CALN1: variants seen among roughly 807,000 people sequenced by gnomAD.
CALN1 encodes calcium-binding protein 8.
In CALN1, 17 loss-of-function variants were observed where a neutral mutation model predicts 30.6. The ratio of observed to expected loss-of-function variants is 0.56; its 90% CI spans 0.38 to 0.83. The LOEUF (loss-of-function observed/expected upper bound fraction) is 0.83. Among genes scored for constraint, CALN1 ranks in the 40% least tolerant of loss-of-function variants. CALN1 has a pLI of 0.00. For synonymous variants in CALN1, 156 were observed against 131.4 expected (o/e 1.19, Z -1.28); for missense variants, 291 against 354.9 (o/e 0.82, Z 1.45).
intron 5 of CALN1, among the ~76,000 whole-genome samples, chr7:71,871,387 ACCAGCCCT>A (rs1478605904): frequency 6.6e-6 from 1 of 151,726 alleles, no homozygotes; most frequent in African/African-American, 2.4e-5. Flanking sequence ...ACTGGACACA[ACCAGCCCT>A]CCACCTACTC....
chr7:72,085,941 A>G (rs844726), intron 4 of CALN1, among the ~76,000 whole-genome samples: 1,528 of 152,314 alleles, frequency 0.01, 23 homozygotes, highest in African/African-American at 0.035. Context: ...TAATCAAGAC[A>G]GTGATATAAT....
chr7:72,503,124 C>T, the CALN1 span, among the ~76,000 whole-genome samples: 5 of 151,426 alleles, frequency 3.3e-5, no homozygotes, highest in African/African-American at 4.9e-5. Flanking sequence ...CCAGCCTGGG[C>T]GACAGAGTGA....
intron 5 of CALN1, among the ~76,000 whole-genome samples, chr7:71,882,856 G>GTGTGTGTGTC (rs1316535549): frequency 2.1e-5 from 3 of 140,512 alleles, no homozygotes; most frequent in African/African-American, 8.9e-5. Flanking sequence ...TAATTTGTGT[G>GTGTGTGTGTC]TGTGTGTGTG....
chr7:71,951,500 A>C (rs529728282), intron 5 of CALN1, among the ~76,000 whole-genome samples: 1 of 152,328 alleles, frequency 6.6e-6, no homozygotes, highest in African/African-American at 2.4e-5. Flanking sequence ...CTGAGGCAAG[A>C]GAATCGCTTG....
At chr7:72,339,241 A>G (rs1702980183) in intron 2 of CALN1, among the ~76,000 whole-genome samples, 1 of 152,156 alleles carries the variant, frequency 6.6e-6, no homozygotes, top group African/African-American at 2.4e-5. Flanking sequence ...GGTTGCTTCC[A>G]AATCTTAACT....
intron 5 of CALN1, among the ~76,000 whole-genome samples, chr7:71,871,289 A>T (rs1006241544): frequency 8.5e-5 from 13 of 152,196 alleles, no homozygotes; most frequent in African/African-American, 3.1e-4. Flanking sequence ...TTTTGCTAAC[A>T]CTGGCTGACC....
intron 5 of CALN1, among the ~76,000 whole-genome samples, chr7:71,978,368 T>C (rs1584662973): frequency 6.8e-6 from 1 of 146,712 alleles, no homozygotes. Flanking sequence ...GCCTCCTGGG[T>C]TCACGCCATT....
chr7:72,165,362 C>A (rs1788447371), intron 3 of CALN1, among the ~76,000 whole-genome samples: 1 of 152,036 alleles, frequency 6.6e-6, no homozygotes, highest in Admixed American at 6.6e-5. Context: ...GAGTTTGAGA[C>A]CAGCCTGGCC....
chr7:72,356,973 T>C (rs1803272390), intron 2 of CALN1, among the ~76,000 whole-genome samples: 2 of 151,998 alleles, frequency 1.3e-5, no homozygotes, highest in African/African-American at 4.9e-5. Context: ...TTTGTTTTGT[T>C]TTGTTTTTAA....
At chr7:72,326,417 A>G (rs1801282111) in intron 2 of CALN1, among the ~76,000 whole-genome samples, 2 of 152,252 alleles carry the variant, frequency 1.3e-5, no homozygotes. Flanking sequence ...GAAATAAAGC[A>G]GATGACACCT....
intron 1 of CALN1, among the ~76,000 whole-genome samples, chr7:72,420,066 G>A (rs1216100837): frequency 6.6e-6 from 1 of 152,162 alleles, no homozygotes; most frequent in Non-Finnish European, 1.5e-5. Context: ...CCTTCACGGA[G>A]CCGTTAACAC....
chr7:72,130,690 G>A (rs988631314), intron 3 of CALN1, among the ~76,000 whole-genome samples: 15 of 152,092 alleles, frequency 9.9e-5, no homozygotes, highest in African/African-American at 3.6e-4. Context: ...TGTTATGAGG[G>A]ACACTTTCAG....
chr7:71,933,236 C>T (rs149623331), intron 5 of CALN1, among the ~76,000 whole-genome samples: 96 of 152,216 alleles, frequency 6.3e-4, no homozygotes, highest in African/African-American at 2.1e-3. Flanking sequence ...AAGTGGGAAA[C>T]CCATTTGCAT....
intron 4 of CALN1, among the ~76,000 whole-genome samples, chr7:72,074,213 T>C (rs1348303003): frequency 6.6e-6 from 1 of 152,124 alleles, no homozygotes; most frequent in African/African-American, 2.4e-5. Context: ...TGAGGAGATA[T>C]AAAAGATCAT....
intron 5 of CALN1, among the ~76,000 whole-genome samples, chr7:71,908,938 A>G (rs779661206): frequency 7.2e-5 from 11 of 152,196 alleles, no homozygotes; most frequent in Admixed American, 7.2e-4. Context: ...GCAACGTCTT[A>G]TTGAGCACTT....
upstream of CALN1, among the ~76,000 whole-genome samples, chr7:72,449,874 C>CAAAAA (rs71069071): frequency 5.0e-4 from 26 of 52,374 alleles, 1 homozygote; most frequent in South Asian, 1.7e-3. Context: ...GACTCCGTCT[C>CAAAAA]AAAAAAAAAA....
intron 1 of CALN1, among the ~76,000 whole-genome samples, chr7:72,424,805 C>T (rs905709576): frequency 2.6e-5 from 4 of 151,972 alleles, no homozygotes; most frequent in African/African-American, 9.7e-5. Context: ...CTATGTTGAC[C>T]AGACTGGTCT....
At chr7:72,250,303 C>T (rs1192058141) in intron 3 of CALN1, among the ~76,000 whole-genome samples, 2 of 152,186 alleles carry the variant, frequency 1.3e-5, no homozygotes, top group East Asian at 3.9e-4. Context: ...CCTGGCTTTG[C>T]CTTGCTAGCT....
At chr7:71,869,873 G>C (rs781762930) in intron 5 of CALN1, among the ~76,000 whole-genome samples, 1 of 152,144 alleles carries the variant, frequency 6.6e-6, no homozygotes. Context: ...TTTGGGAGTA[G>C]AGCAGAGAGG....
Sources: allele counts gnomAD v4.1 joint callset (sites outside exome capture counted in the v4.1 genomes callset), GRCh38; gene constraint gnomAD v4.1.1; transcripts MANE v1.5; gene names NCBI Gene and HGNC (gene_info 2026-07-23, HGNC 2026-07-21).